Variants in PHACTR1 observed in about 807,000 individuals in gnomAD.
PHACTR1 encodes RPEL repeat containing 1.
In PHACTR1, 16 loss-of-function variants were observed where a neutral mutation model predicts 69.2. That is an observed-to-expected ratio of 0.23 (90% CI 0.16 to 0.35). The LOEUF (loss-of-function observed/expected upper bound fraction) is 0.35, where lower values mean the gene tolerates loss of function less well. Among genes scored for constraint, PHACTR1 ranks in the 10% least tolerant of loss-of-function variants. The pLI, the probability that PHACTR1 is intolerant of heterozygous loss-of-function variation, is 1.00. For synonymous variants in PHACTR1, 312 were observed against 284.5 expected, an observed-to-expected ratio of 1.10 and a Z score of -0.97; for missense variants, 510 against 734.7, an observed-to-expected ratio of 0.69 and a Z score of 3.54.
intron 4 of PHACTR1, among the ~76,000 whole-genome samples, chr6:12,964,238 G>T (rs1582729871): frequency 6.6e-6 from 1 of 152,028 alleles, no homozygotes; most frequent in Non-Finnish European, 1.5e-5. Flanking sequence ...AGGAATCAAA[G>T]CTACTCATAC....
At chr6:13,112,085 A>G (rs1184716984) in intron 5 of PHACTR1, among the ~76,000 whole-genome samples, 3 of 152,022 alleles carry the variant, frequency 2.0e-5, no homozygotes, top group Admixed American at 6.6e-5. Flanking sequence ...GTGTCCATGT[A>G]TTCTCATCAT....
intron 4 of PHACTR1, among the ~76,000 whole-genome samples, chr6:12,854,631 AC>A (rs1014513308): frequency 2.0e-4 from 31 of 152,188 alleles, no homozygotes; most frequent in Non-Finnish European, 1.3e-4. Flanking sequence ...TTATTTGCAA[AC>A]TATGCATCCA....
chr6:12,908,417 G>A (rs563433520), intron 4 of PHACTR1, among the ~76,000 whole-genome samples: 127 of 152,258 alleles, frequency 8.3e-4, no homozygotes, highest in African/African-American at 3.0e-3. Flanking sequence ...AAAGCTTGGT[G>A]GCTGTCCCTA....
chr6:13,044,142 C>T (rs947677660), intron 4 of PHACTR1, among the ~76,000 whole-genome samples: 1 of 151,798 alleles, frequency 6.6e-6, no homozygotes, highest in Non-Finnish European at 1.5e-5. Flanking sequence ...TAGGAACTTT[C>T]CTCCCTACCT....
At chr6:12,880,658 G>T (rs936186122) in intron 4 of PHACTR1, among the ~76,000 whole-genome samples, 4 of 152,066 alleles carry the variant, frequency 2.6e-5, no homozygotes, top group Non-Finnish European at 5.9e-5. Context: ...AAGAGCCCCA[G>T]AATGGATCCC....
At chr6:13,000,645 G>A (rs1797983109) in intron 4 of PHACTR1, among the ~76,000 whole-genome samples, 1 of 111,002 alleles carries the variant, frequency 9.0e-6, no homozygotes, top group African/African-American at 4.0e-5. Flanking sequence ...AGGAAGGGGG[G>A]AGGGAGGGAG....
rs1757973859 is a variant in PHACTR1, at chr6:13,155,074, T to C, written c.416-5130T>C. Among the ~76,000 whole-genome samples, 3 of 152,192 alleles carry C rather than the reference T, an allele frequency of 2.0e-5. 1 individual carries two copies. The South Asian group carries it at 6.2e-4, about 32-fold the overall frequency. On this transcript the variant is annotated intron_variant, in intron 5 of 14. Coordinates refer to ENST00000332995, the MANE Select transcript of PHACTR1 (RefSeq NM_030948.6). The stretch of plus-strand genomic sequence containing the variant: ...GAGCAGTGTTGAGCTTGTCCTAGTG[T>C]AAAAGTTAAAGCAACTTCATCTTGG...
rs928107978 is a variant in PHACTR1 at position 13,189,309 on chromosome 6, C to T, written c.664+6623C>T. 3.3e-5 allele frequency among the ~76,000 whole-genome samples: 5 copies of T among 152,122 alleles called. No homozygotes were observed. The East Asian group carries it at 9.6e-4, about 29-fold the overall frequency. Reference sequence around the variant, plus strand: ...TCGTAGTTACTTAGCTAGTAAGTGGCAGATAAGCATGAACCTATTTTTTTT... The same window carrying T: ...TCGTAGTTACTTAGCTAGTAAGTGGTAGATAAGCATGAACCTATTTTTTTT... On this transcript the variant is annotated intron_variant, in intron 7 of 14. Transcript: ENST00000332995.
intron 4 of PHACTR1, among the ~76,000 whole-genome samples, chr6:12,841,554 TAAG>T (rs1778702867): frequency 6.6e-6 from 1 of 152,200 alleles, no homozygotes; most frequent in Non-Finnish European, 1.5e-5. Flanking sequence ...ACTAGGAAGA[TAAG>T]AAATATTTTT....
chr6:12,903,079 G>A (rs762980826), intron 4 of PHACTR1, among the ~76,000 whole-genome samples: 1 of 152,046 alleles, frequency 6.6e-6, no homozygotes, highest in African/African-American at 2.4e-5. Context: ...GTGGTGAAGA[G>A]CGAGGGTCCT....
intron 5 of PHACTR1, among the ~76,000 whole-genome samples, chr6:13,077,749 G>C (rs1470530869): frequency 6.6e-6 from 1 of 152,122 alleles, no homozygotes; most frequent in Non-Finnish European, 1.5e-5. Context: ...TATCGTAGCA[G>C]TCTAGGCAAG....
intron 4 of PHACTR1, among the ~76,000 whole-genome samples, chr6:12,948,201 C>T (rs1319562812): frequency 6.6e-6 from 1 of 152,218 alleles, no homozygotes; most frequent in Admixed American, 6.5e-5. Context: ...TTGAAAACAC[C>T]TAGTGTCAAG....
At chr6:12,913,076 A>G (rs1786586223) in intron 4 of PHACTR1, among the ~76,000 whole-genome samples, 1 of 152,244 alleles carries the variant, frequency 6.6e-6, no homozygotes, top group African/African-American at 2.4e-5. Flanking sequence ...ATACTTTAGC[A>G]ATATCCGATC....
chr6:12,756,933 G>GT (rs36110194), intron 4 of PHACTR1, among the ~76,000 whole-genome samples: 5,326 of 152,138 alleles, frequency 0.035, 144 homozygotes, highest in Non-Finnish European at 0.053. Context: ...TTTTTAGACC[G>GT]TTTTTTAGGC....
At position 13,077,283 on chromosome 6, in the gene PHACTR1, G is replaced by A. The variant is rs200439429; in HGVS notation, c.415+23754G>A. 2.0e-5 allele frequency among the ~76,000 whole-genome samples: 3 copies of A among 151,704 alleles called. No individual in the cohort carries two copies. In the East Asian group the frequency reaches 5.8e-4, roughly 29 times the overall value. On this transcript the variant is annotated intron_variant, in intron 5 of 14. Coordinates refer to ENST00000332995, the MANE Select transcript of PHACTR1 (RefSeq NM_030948.6). ...ATGAGGTATTATGTACTCCCATCTT[G>A]CATTTGTGGAAACTGAAACACAGGG...
chr6:13,026,623 G>T (rs1261521875), intron 4 of PHACTR1, among the ~76,000 whole-genome samples: 2 of 152,150 alleles, frequency 1.3e-5, no homozygotes, highest in Non-Finnish European at 2.9e-5. Context: ...GTGGTGGTGG[G>T]TGGGAGAATG....
At chr6:13,146,795 G>T (rs1823418026) in intron 5 of PHACTR1, among the ~76,000 whole-genome samples, 1 of 152,192 alleles carries the variant, frequency 6.6e-6, no homozygotes, top group Non-Finnish European at 1.5e-5. Context: ...ACATCTGGAA[G>T]GAGAAACCCA....
intron 4 of PHACTR1, among the ~76,000 whole-genome samples, chr6:12,854,346 A>G (rs148290758): frequency 6.6e-6 from 1 of 152,322 alleles, no homozygotes; most frequent in African/African-American, 2.4e-5. Flanking sequence ...TCATTCCCTC[A>G]GATGTAGGGT....
intron 4 of PHACTR1, among the ~76,000 whole-genome samples, chr6:12,872,335 T>A (rs934793246): frequency 6.6e-6 from 1 of 152,126 alleles, no homozygotes; most frequent in Non-Finnish European, 1.5e-5. Flanking sequence ...ATGTTAAAGA[T>A]GGATGATGGA....
Sources: allele counts gnomAD v4.1 joint callset (sites outside exome capture counted in the v4.1 genomes callset), GRCh38; gene constraint gnomAD v4.1.1; transcripts MANE v1.5; gene names NCBI Gene and HGNC (gene_info 2026-07-23, HGNC 2026-07-21).